Variants in AUTS2 observed in about 807,000 individuals in gnomAD.
The protein encoded by AUTS2 is autism susceptibility gene 2 protein.
A neutral mutation model predicts 112.4 loss-of-function variants in AUTS2; 17 were observed. The observed-to-expected ratio is 0.15, with a 90% confidence interval of 0.10 to 0.23. The LOEUF (loss-of-function observed/expected upper bound fraction) is 0.23, where lower values mean the gene tolerates loss of function less well. Ranked by LOEUF, AUTS2 falls within the 10% of genes least tolerant of loss-of-function variation. The pLI is 1.00. For synonymous variants in AUTS2, 751 were observed against 702.7 expected (o/e 1.07, Z -1.09); for missense variants, 1,510 against 1,701.6 (o/e 0.89, Z 1.98).
intron 4 of AUTS2, among the ~76,000 whole-genome samples, chr7:70,349,973 A>G (rs1442396156): frequency 2.0e-5 from 3 of 152,220 alleles, no homozygotes; most frequent in Admixed American, 6.5e-5. Flanking sequence ...AACACCCTGC[A>G]TGTCCTCTGT....
At chr7:70,178,384 G>A (rs1220090223) in intron 4 of AUTS2, among the ~76,000 whole-genome samples, 2 of 151,932 alleles carry the variant, frequency 1.3e-5, no homozygotes, top group African/African-American at 4.8e-5. Flanking sequence ...AGTCATTATT[G>A]ACATCATCTA....
chr7:69,979,489 A>T (rs563518773), intron 2 of AUTS2, among the ~76,000 whole-genome samples: 285 of 152,318 alleles, frequency 1.9e-3, no homozygotes, highest in African/African-American at 6.7e-3. Context: ...AATTACAGTC[A>T]TTTTTTCAAG....
intron 5 of AUTS2, among the ~76,000 whole-genome samples, chr7:70,459,491 A>G (rs1411330934): frequency 6.6e-6 from 1 of 152,196 alleles, no homozygotes; most frequent in Non-Finnish European, 1.5e-5. Context: ...AAGCTGTCAT[A>G]CATAGTCCAG....
At chr7:69,838,647 T>C (rs1791831623) in intron 1 of AUTS2, among the ~76,000 whole-genome samples, 1 of 152,174 alleles carries the variant, frequency 6.6e-6, no homozygotes, top group Admixed American at 6.5e-5. Context: ...GGCTGAACTA[T>C]ATTTGTTATT....
chr7:70,345,312 G>T (rs1260338427), intron 4 of AUTS2, among the ~76,000 whole-genome samples: 1 of 152,188 alleles, frequency 6.6e-6, no homozygotes, highest in African/African-American at 2.4e-5. Context: ...TCCTATGACA[G>T]AGTGCTTACT....
At position 70,377,169 on chromosome 7, in the gene AUTS2, A is replaced by G. The variant is rs77495539; in HGVS notation, c.661-58583A>G. 7.6e-3 allele frequency among the ~76,000 whole-genome samples: 1,148 copies of G among 151,368 alleles called. 14 individuals carry two copies. The highest frequency in any genetic ancestry group is 0.038 in the South Asian group (181 of 4,752). On this transcript the variant is annotated intron_variant, in intron 4 of 18. Coordinates refer to ENST00000342771, the MANE Select transcript of AUTS2 (RefSeq NM_015570.4). ...TGTGCCCCATGCTTCTTTGAAGCCTAAAGTCTTTTGGAATACCATCACAAT... is the reference window on the plus strand; with the variant it reads ...TGTGCCCCATGCTTCTTTGAAGCCTGAAGTCTTTTGGAATACCATCACAAT...
chr7:70,189,869 G>A (rs1169173086), intron 4 of AUTS2, among the ~76,000 whole-genome samples: 2 of 152,114 alleles, frequency 1.3e-5, no homozygotes, highest in South Asian at 4.1e-4. Flanking sequence ...TACCCATCTA[G>A]TGAAGCCATC....
At chr7:70,273,729 C>T (rs1473462206) in intron 4 of AUTS2, among the ~76,000 whole-genome samples, 1 of 152,054 alleles carries the variant, frequency 6.6e-6, no homozygotes, top group African/African-American at 2.4e-5. Context: ...TCCTGCAGAG[C>T]CCTGTGTATG....
intron 2 of AUTS2, among the ~76,000 whole-genome samples, chr7:70,053,542 T>C (rs1801848034): frequency 7.2e-6 from 1 of 139,120 alleles, no homozygotes; most frequent in Admixed American, 7.1e-5. Context: ...CTGTTTTGGG[T>C]GGTTTTTTTT....
At chr7:70,422,983 A>G (rs11767563) in intron 4 of AUTS2, among the ~76,000 whole-genome samples, 9,880 of 152,202 alleles carry the variant, frequency 0.065, 365 homozygotes, top group African/African-American at 0.1. Flanking sequence ...TCTAGGTACC[A>G]GCTTCAAGTG....
Position 70,363,822 on chromosome 7 carries a change from C to G in AUTS2, c.661-71930C>G, listed in dbSNP as rs184256510. Among the ~76,000 whole-genome samples, 348 of 152,290 alleles carry G rather than the reference C, an allele frequency of 2.3e-3. 3 individuals are homozygous for G. In the East Asian group the frequency reaches 0.035, roughly 15 times the overall value. ...TTTCCTAAAAACCTAAGTCTCCCAG[C>G]TTCTTTGAACTCCTCCTTCTATGGA... On this transcript the variant is annotated intron_variant, in intron 4 of 18. Coordinates refer to ENST00000342771, the MANE Select transcript of AUTS2 (RefSeq NM_015570.4).
At chr7:69,758,511 T>G (rs1339997521) in intron 1 of AUTS2, among the ~76,000 whole-genome samples, 2 of 152,220 alleles carry the variant, frequency 1.3e-5, no homozygotes, top group Non-Finnish European at 2.9e-5. Context: ...TCACTGTGTT[T>G]CGTTCCCATC....
At chr7:69,616,288 G>T (rs1035649162) in intron 1 of AUTS2, among the ~76,000 whole-genome samples, 2 of 152,184 alleles carry the variant, frequency 1.3e-5, no homozygotes, top group Admixed American at 1.3e-4. Context: ...GTGGAGTCAA[G>T]AAAGTACCAG....
At position 69,824,283 on chromosome 7, in the gene AUTS2, C is replaced by T. The variant is rs750495056; in HGVS notation, c.310-75003C>T. Among the ~76,000 whole-genome samples, 78 of 152,010 alleles carry T rather than the reference C, an allele frequency of 5.1e-4. 1 individual carries two copies. In the Middle Eastern group the frequency reaches 0.01, roughly 20 times the overall value. On this transcript the variant is annotated intron_variant, in intron 1 of 18. Transcript: ENST00000342771. Reference sequence around the variant, plus strand: ...AAAAAATTAGTCGGGCATGGTGGCACCTGTTGTCCCAGCTACTCAGGAGGC... The same window carrying T: ...AAAAAATTAGTCGGGCATGGTGGCATCTGTTGTCCCAGCTACTCAGGAGGC...
chr7:69,807,356 C>T (rs1790353735), intron 1 of AUTS2, among the ~76,000 whole-genome samples: 1 of 152,110 alleles, frequency 6.6e-6, no homozygotes, highest in African/African-American at 2.4e-5. Context: ...AAAATTACCA[C>T]AAAACTTACC....
chr7:69,978,900 A>ACACG (rs1389883498), intron 2 of AUTS2, among the ~76,000 whole-genome samples: 4 of 128,486 alleles, frequency 3.1e-5, no homozygotes, highest in Non-Finnish European at 5.0e-5. Flanking sequence ...ACACACACAC[A>ACACG]CGCACACACG....
intron 4 of AUTS2, among the ~76,000 whole-genome samples, chr7:70,391,914 T>A (rs1445725077): frequency 6.6e-6 from 1 of 151,964 alleles, no homozygotes; most frequent in Admixed American, 6.6e-5. Context: ...ATTCAGAGCT[T>A]CCCTAGCCAC....
intron 1 of AUTS2, among the ~76,000 whole-genome samples, chr7:69,894,018 T>C (rs1485659956): frequency 1.3e-5 from 2 of 152,140 alleles, no homozygotes; most frequent in Non-Finnish European, 2.9e-5. Context: ...CCTCTCCATA[T>C]ATGTGCTACT....
intron 5 of AUTS2, among the ~76,000 whole-genome samples, chr7:70,560,224 C>T (rs1327346498): frequency 6.6e-6 from 1 of 152,306 alleles, no homozygotes; most frequent in South Asian, 2.1e-4. Flanking sequence ...ACATCCCCCA[C>T]CCCAAATCAC....
Sources: allele counts gnomAD v4.1 joint callset (sites outside exome capture counted in the v4.1 genomes callset), GRCh38; gene constraint gnomAD v4.1.1; transcripts MANE v1.5; gene names NCBI Gene and HGNC (gene_info 2026-07-23, HGNC 2026-07-21).